The following FBXW7 variants were observed in gnomAD, a reference collection of about 807,000 sequenced individuals.
The protein encoded by FBXW7 is F-box/WD repeat-containing protein 7.
In FBXW7, 11 loss-of-function variants were observed where a neutral mutation model predicts 86.3. The observed-to-expected ratio is 0.13, with a 90% CI of 0.08 to 0.21. The LOEUF (loss-of-function observed/expected upper bound fraction) is 0.21. Ranked by LOEUF, FBXW7 falls within the 10% of genes least tolerant of loss-of-function variation. The pLI is 1.00. For missense variants in FBXW7, 488 were observed against 847.4 expected (o/e 0.58, Z 5.27); for synonymous variants, 313 against 297.9 (o/e 1.05, Z -0.52).
chr4:152,405,299 G>A (rs1206850005), intron 4 of FBXW7, among the ~76,000 whole-genome samples: 2 of 152,056 alleles, frequency 1.3e-5, no homozygotes, highest in Admixed American at 1.3e-4. Flanking sequence ...GCACCATGAA[G>A]AGAAGCAAGA....
intron 2 of FBXW7, among the ~76,000 whole-genome samples, chr4:152,520,540 T>C (rs1038957792): frequency 7.3e-5 from 11 of 151,544 alleles, no homozygotes; most frequent in South Asian, 2.1e-4. Flanking sequence ...TACACCTCAA[T>C]AGCCTCAATC....
intron 2 of FBXW7, among the ~76,000 whole-genome samples, chr4:152,417,969 G>A (rs1223173548): frequency 6.6e-6 from 1 of 152,132 alleles, no homozygotes; most frequent in African/African-American, 2.4e-5. Context: ...CTTGACATCT[G>A]TGTCTCAGAA....
At chr4:152,403,477 CAAA>C (rs112762359) in intron 4 of FBXW7, among the ~76,000 whole-genome samples, 4 of 85,232 alleles carry the variant, frequency 4.7e-5, no homozygotes, top group Non-Finnish European at 5.0e-5. Flanking sequence ...GACTTCATCT[CAAA>C]AAAAAAAAAA....
chr4:152,521,112 T>C (rs912882879), intron 2 of FBXW7, among the ~76,000 whole-genome samples: 22 of 152,148 alleles, frequency 1.4e-4, no homozygotes, highest in Non-Finnish European at 1.0e-4. Flanking sequence ...GGCAGGAATG[T>C]TAGGTACTTG....
At chr4:152,500,174 A>T (rs192183401) in intron 2 of FBXW7, among the ~76,000 whole-genome samples, 1 of 152,288 alleles carries the variant, frequency 6.6e-6, no homozygotes, top group East Asian at 1.9e-4. Flanking sequence ...TGGAGAGGGA[A>T]TAGGGGAGGT....
In FBXW7 at chr4:152,509,274, T is replaced by C. The variant is rs182708549; in HGVS notation, c.-120+25667A>G. Among the ~76,000 whole-genome samples, 3 of 152,316 alleles carry C rather than the reference T, an allele frequency of 2.0e-5. No individual in the cohort carries two copies. In the East Asian group the frequency reaches 5.8e-4, roughly 29 times the overall value. On this transcript the variant is annotated intron_variant, in intron 2 of 13. Transcript: ENST00000281708. ...GTTAATCTCCTGATTTTGATAATTTTTCTGTCACTGCATAAGATGTTAAAT... is the reference window on the plus strand; with the variant it reads ...GTTAATCTCCTGATTTTGATAATTTCTCTGTCACTGCATAAGATGTTAAAT...
At chr4:152,426,240 A>G (rs1317830782) in intron 2 of FBXW7, among the ~76,000 whole-genome samples, 1 of 152,198 alleles carries the variant, frequency 6.6e-6, no homozygotes, top group Admixed American at 6.5e-5. Flanking sequence ...AGACAGGTTA[A>G]GAGGTGTGGA....
intron 2 of FBXW7, among the ~76,000 whole-genome samples, chr4:152,494,170 A>C (rs1428592230): frequency 1.3e-5 from 2 of 152,240 alleles, no homozygotes; most frequent in Non-Finnish European, 2.9e-5. Context: ...CAACAGCATA[A>C]GGTACTGCAG....
chr4:152,383,687 A>G (rs1476697879), intron 4 of FBXW7, among the ~76,000 whole-genome samples: 2 of 152,152 alleles, frequency 1.3e-5, no homozygotes, highest in Non-Finnish European at 2.9e-5. Flanking sequence ...ATTTGAAAGG[A>G]GAAAGTTAGA....
chr4:152,463,769 A>G (rs772268456), intron 2 of FBXW7, among the ~76,000 whole-genome samples: 5 of 152,206 alleles, frequency 3.3e-5, no homozygotes, highest in Non-Finnish European at 5.9e-5. Flanking sequence ...AATTTGTGAT[A>G]ATCTACATAA....
intron 2 of FBXW7, among the ~76,000 whole-genome samples, chr4:152,472,238 G>A (rs1744029581): frequency 6.6e-6 from 1 of 152,090 alleles, no homozygotes; most frequent in Admixed American, 6.5e-5. Context: ...GAAACTGTTC[G>A]GAAGTGTCTA....
intron 4 of FBXW7, among the ~76,000 whole-genome samples, chr4:152,373,075 T>C (rs368922564): frequency 3.6e-4 from 55 of 152,100 alleles, no homozygotes; most frequent in African/African-American, 1.3e-3. Context: ...ATTTGGACAC[T>C]AAGGGTCTGT....
intron 4 of FBXW7, among the ~76,000 whole-genome samples, chr4:152,371,470 ACTAT>A (rs767140078): frequency 1.3e-5 from 2 of 152,052 alleles, no homozygotes; most frequent in African/African-American, 4.8e-5. Context: ...TGTAATAGAT[ACTAT>A]CTAACAGTAT....
At chr4:152,364,159 TA>T (rs1465550931) in intron 4 of FBXW7, among the ~76,000 whole-genome samples, 7 of 152,126 alleles carry the variant, frequency 4.6e-5, no homozygotes, top group African/African-American at 1.7e-4. Flanking sequence ...TCCGCTTGGT[TA>T]AGAACTGCTC....
intron 2 of FBXW7, among the ~76,000 whole-genome samples, chr4:152,516,246 T>C (rs1748481246): frequency 6.6e-6 from 1 of 152,250 alleles, no homozygotes; most frequent in Non-Finnish European, 1.5e-5. Flanking sequence ...CCGTGGCCTG[T>C]TAGAAACCCG....
intron 2 of FBXW7, among the ~76,000 whole-genome samples, chr4:152,426,801 C>G (rs887528271): frequency 6.6e-6 from 1 of 152,152 alleles, no homozygotes; most frequent in Non-Finnish European, 1.5e-5. Context: ...CATTCCATAA[C>G]AGGGCCTCAC....
chr4:152,452,620 T>C (rs1425963325), intron 2 of FBXW7, among the ~76,000 whole-genome samples: 4 of 152,120 alleles, frequency 2.6e-5, no homozygotes, highest in African/African-American at 9.7e-5. Context: ...AGCTTATAAA[T>C]ACACGTTGAA....
At chr4:152,438,824 A>G (rs964562221) in intron 2 of FBXW7, among the ~76,000 whole-genome samples, 2 of 152,228 alleles carry the variant, frequency 1.3e-5, no homozygotes, top group African/African-American at 4.8e-5. Context: ...GAAAAAATAT[A>G]CAAACATGCA....
chr4:152,391,139 C>T (rs1043689368), intron 4 of FBXW7, among the ~76,000 whole-genome samples: 10 of 151,856 alleles, frequency 6.6e-5, no homozygotes, highest in African/African-American at 2.4e-4. Context: ...CAGTAATGTG[C>T]TATGCAAGTA....
Sources: allele counts gnomAD v4.1 joint callset (sites outside exome capture counted in the v4.1 genomes callset), GRCh38; gene constraint gnomAD v4.1.1; transcripts MANE v1.5; gene names NCBI Gene and HGNC (gene_info 2026-07-23, HGNC 2026-07-21).